Variants in ADCY9 observed in about 807,000 individuals in gnomAD.
ADCY9 encodes the protein adenylate cyclase 9.
ADCY9 carries 50 observed loss-of-function variants against 101.5 expected under a neutral mutation model. The observed-to-expected ratio is 0.49, with a 90% CI of 0.39 to 0.62. The LOEUF (loss-of-function observed/expected upper bound fraction) is 0.62. Among genes scored for constraint, ADCY9 ranks in the 20% least tolerant of loss-of-function variants. The pLI, the probability that ADCY9 is intolerant of heterozygous loss-of-function variation, is 0.00. For synonymous variants in ADCY9, 905 were observed against 769.3 expected, an observed-to-expected ratio of 1.18 and a Z score of -2.92; for missense variants, 1,662 against 1,800.4, an observed-to-expected ratio of 0.92 and a Z score of 1.39.
chr16:3,955,052 G>C (rs2055900397), intron 5 of ADCY9, among the ~76,000 whole-genome samples: 1 of 152,184 alleles, frequency 6.6e-6, no homozygotes, highest in South Asian at 2.1e-4. Flanking sequence ...GAAAAGAAGA[G>C]AAAGTGGACC....
chr16:3,986,235 C>T (rs183571853), intron 6 of ADCY9, among the ~76,000 whole-genome samples: 4 of 152,198 alleles, frequency 2.6e-5, no homozygotes, highest in Non-Finnish European at 5.9e-5. Flanking sequence ...GTGGGATGCT[C>T]GGCTAAGAAC....
intron 2 of ADCY9, among the ~76,000 whole-genome samples, chr16:4,058,895 G>C (rs1190385582): frequency 1.3e-5 from 2 of 152,070 alleles, no homozygotes; most frequent in African/African-American, 4.8e-5. Context: ...TTGTGGTGAG[G>C]GGTAAAGGAA....
intron 8 of ADCY9, among the ~76,000 whole-genome samples, chr16:3,978,823 G>A (rs904549931): frequency 6.6e-6 from 1 of 152,156 alleles, no homozygotes; most frequent in Non-Finnish European, 1.5e-5. Context: ...AGGTTCAAGC[G>A]ATTCTCCTGC....
At chr16:4,107,695 G>A (rs370222) in intron 2 of ADCY9, among the ~76,000 whole-genome samples, 35,258 of 151,962 alleles carry the variant, frequency 0.23, 4,625 homozygotes, top group Non-Finnish European at 0.3. Context: ...ACGGGGGAAG[G>A]AAGGGGAACA....
At position 4,115,193 on chromosome 16, in the gene ADCY9, C is replaced by G. The variant is rs1174368720; in HGVS notation, c.250G>C (p.Glu84Gln). Reference protein sequence around the residue: ...RRQKKLPQLFERASSRWWDPK... With the variant: ...RRQKKLPQLFQRASSRWWDPK... ...TCCCACCAGCGGCTGGAGGCCCTCTCGAACAGCTGGGGCAGCTTCTTCTGC... is the reference window on the plus strand; with the variant it reads ...TCCCACCAGCGGCTGGAGGCCCTCTGGAACAGCTGGGGCAGCTTCTTCTGC... The change falls in exon 2 of 11, where the codon GAG becomes CAG. Residue 84 changes from glutamate (E) to glutamine (Q), a missense_variant. Physicochemically the swap from Glu to Gln is conservative, Grantham distance 29. Coordinates refer to ENST00000294016, the MANE Select transcript of ADCY9 (RefSeq NM_001116.4). This position sits in a 1 kb window ranked among gnomAD's most constrained non-coding sequence, Gnocchi z 6.2. The G allele has an allele frequency of 1.2e-5, 19 of 1,613,578 alleles. No individual in the cohort carries two copies. Among genetic ancestry groups the G allele is most frequent in the Non-Finnish European group, 1.5e-5 (18 of 1,179,974 alleles).
intron 2 of ADCY9, among the ~76,000 whole-genome samples, chr16:4,102,962 T>C (rs2057053089): frequency 6.6e-6 from 1 of 152,176 alleles, no homozygotes; most frequent in Non-Finnish European, 1.5e-5. Context: ...CCTCAGGTGA[T>C]CCACCCACCT....
chr16:4,041,837 G>A (rs1464916039), intron 2 of ADCY9, among the ~76,000 whole-genome samples: 4 of 147,590 alleles, frequency 2.7e-5, no homozygotes, highest in African/African-American at 7.5e-5. Flanking sequence ...CTAAAGCCTC[G>A]ATCACCTGGG....
chr16:4,016,872 G>T (rs2056442040), intron 2 of ADCY9, among the ~76,000 whole-genome samples: 1 of 152,184 alleles, frequency 6.6e-6, no homozygotes, highest in Non-Finnish European at 1.5e-5. Context: ...TTTTTGGGGT[G>T]ACGAAAATGT....
chr16:4,037,881 A>G (rs549302854), intron 2 of ADCY9, among the ~76,000 whole-genome samples: 38 of 152,324 alleles, frequency 2.5e-4, no homozygotes, highest in African/African-American at 8.2e-4. Flanking sequence ...AAAAGAGACA[A>G]TCCATTTAAG....
At chr16:3,967,564 A>T (rs1022391953) in intron 10 of ADCY9, among the ~76,000 whole-genome samples, 17 of 147,282 alleles carry the variant, frequency 1.2e-4, no homozygotes, top group African/African-American at 3.5e-4. Flanking sequence ...TAATTAAAAA[A>T]TTTTTTTTTT....
chr16:3,964,423 C>T lies in ADCY9; in HGVS notation c.*1352G>A, dbSNP rs185677737. 6.6e-6 allele frequency: 1 copy of T among 152,474 alleles called. No homozygotes were observed. The highest frequency in any genetic ancestry group is 1.9e-4 in the East Asian group (1 of 5,186). 9.4% of individuals were successfully genotyped at this position (152,474 alleles called of 1,614,324 possible). A position where few individuals can be genotyped will look rare whatever the true frequency, so the allele number is the denominator to read the frequency against. ...GGGATTCCGCCCCTAACAAACCCCG[C>T]GTTTGCATCCAGATGCCTCTGTCCC... On this transcript the variant is annotated 3_prime_UTR_variant, in exon 11 of 11. Transcript: ENST00000294016.
At chr16:4,042,213 G>C (rs1161258602) in intron 2 of ADCY9, among the ~76,000 whole-genome samples, 1 of 151,986 alleles carries the variant, frequency 6.6e-6, no homozygotes, top group African/African-American at 2.4e-5. Context: ...GTGAGCCACG[G>C]CGCCCAGCTG....
intron 2 of ADCY9, among the ~76,000 whole-genome samples, chr16:4,016,902 G>A (rs2056442301): frequency 6.6e-6 from 1 of 152,146 alleles, no homozygotes; most frequent in South Asian, 2.1e-4. Flanking sequence ...TTGTGGTGAT[G>A]GTTGCACAAC....
intron 2 of ADCY9, among the ~76,000 whole-genome samples, chr16:4,108,090 G>A (rs541450948): frequency 5.3e-5 from 8 of 152,356 alleles, no homozygotes; most frequent in Non-Finnish European, 1.0e-4. Context: ...ATGACCATGG[G>A]TGTGGATGAG....
chr16:4,040,844 T>G (rs2056621981), intron 2 of ADCY9, among the ~76,000 whole-genome samples: 1 of 152,220 alleles, frequency 6.6e-6, no homozygotes, highest in Non-Finnish European at 1.5e-5. Flanking sequence ...TTGACTGAAC[T>G]GTCTTTAATA....
chr16:4,008,597 A>C (rs982969047), intron 2 of ADCY9, among the ~76,000 whole-genome samples: 2 of 148,674 alleles, frequency 1.3e-5, no homozygotes, highest in African/African-American at 5.0e-5. Flanking sequence ...ATTGAGATGG[A>C]GTCTCACTCT....
chr16:3,971,792 G>T (rs746302440), intron 10 of ADCY9, among the ~76,000 whole-genome samples: 1 of 152,094 alleles, frequency 6.6e-6, no homozygotes, highest in Non-Finnish European at 1.5e-5. Context: ...TTATGTGCAG[G>T]GGGTGTTTCC....
intron 2 of ADCY9, among the ~76,000 whole-genome samples, chr16:4,021,965 A>G (rs957876106): frequency 1.3e-5 from 2 of 152,172 alleles, no homozygotes; most frequent in African/African-American, 4.8e-5. Context: ...TTAATTTGCA[A>G]TGTCCTCTTT....
intron 3 of ADCY9, among the ~76,000 whole-genome samples, chr16:4,002,368 A>G (rs2056336898): frequency 6.6e-6 from 1 of 152,234 alleles, no homozygotes; most frequent in South Asian, 2.1e-4. Context: ...AGTAGATAAA[A>G]GAAGTTATCA....
Sources: allele counts gnomAD v4.1 joint callset (sites outside exome capture counted in the v4.1 genomes callset), GRCh38; gene constraint gnomAD v4.1.1; non-coding constraint Gnocchi (gnomAD v3.1); transcripts MANE v1.5; gene names NCBI Gene and HGNC (gene_info 2026-07-23, HGNC 2026-07-21).